PTH2R: variants seen among roughly 807,000 people sequenced by gnomAD.
The protein encoded by PTH2R is PTH2 receptor.
Under a neutral mutation model 60.3 loss-of-function variants are expected in PTH2R, and 59 were observed. The ratio of observed to expected loss-of-function variants is 0.98; its 90% confidence interval spans 0.79 to 1.22. PTH2R has a LOEUF of 1.22. PTH2R is among the 50% of genes most tolerant of loss of function. The pLI is 0.00. For missense variants in PTH2R, 749 were observed against 682.6 expected (o/e 1.10, Z -1.08); for synonymous variants, 256 against 243.8 (o/e 1.05, Z -0.47).
intron 1 of PTH2R, among the ~76,000 whole-genome samples, chr2:208,415,406 G>A (rs1475494982): frequency 1.3e-5 from 2 of 152,078 alleles, no homozygotes; most frequent in African/African-American, 2.4e-5. Context: ...ACCTACTACC[G>A]CTTCGCATGG....
intron 10 of PTH2R, among the ~76,000 whole-genome samples, chr2:208,482,122 C>T (rs1703166281): frequency 6.6e-6 from 1 of 152,160 alleles, no homozygotes; most frequent in Non-Finnish European, 1.5e-5. Flanking sequence ...CTATCTCAGA[C>T]ACAGAGAGGA....
At chr2:208,479,912 A>G (rs1429937876) in intron 9 of PTH2R, among the ~76,000 whole-genome samples, 1 of 152,210 alleles carries the variant, frequency 6.6e-6, no homozygotes, top group East Asian at 1.9e-4. Flanking sequence ...AAAATGTTTA[A>G]TAAATGGCAG....
chr2:208,463,807 T>C (rs967177032), intron 9 of PTH2R, among the ~76,000 whole-genome samples: 5 of 152,258 alleles, frequency 3.3e-5, no homozygotes, highest in Admixed American at 3.3e-4. Flanking sequence ...AGGAAGTGGC[T>C]GTTCAGACCT....
chr2:208,473,840 G>A (rs1242889413), intron 9 of PTH2R, among the ~76,000 whole-genome samples: 1 of 151,980 alleles, frequency 6.6e-6, no homozygotes, highest in Non-Finnish European at 1.5e-5. Context: ...TAGTTAACTG[G>A]CATAAATATA....
At chr2:208,371,718 G>T (rs752637562) in intron 1 of PTH2R, among the ~76,000 whole-genome samples, 4 of 151,958 alleles carry the variant, frequency 2.6e-5, no homozygotes, top group Admixed American at 6.6e-5. Context: ...TTGATTTAGG[G>T]GACTTTCACT....
intron 12 of PTH2R, among the ~76,000 whole-genome samples, chr2:208,491,829 C>T (rs980957903): frequency 2.6e-5 from 4 of 152,126 alleles, no homozygotes; most frequent in Non-Finnish European, 5.9e-5. Flanking sequence ...TGTGCCCGAG[C>T]TGTCTTATCA....
intron 2 of PTH2R, among the ~76,000 whole-genome samples, chr2:208,434,744 T>G (rs187010001): frequency 9.6e-4 from 146 of 152,284 alleles, no homozygotes; most frequent in African/African-American, 3.4e-3. Flanking sequence ...ATGTGGCTTG[T>G]TAATGAAAAG....
chr2:208,462,938 G>C (rs1046315763), intron 9 of PTH2R, among the ~76,000 whole-genome samples: 2 of 152,192 alleles, frequency 1.3e-5, no homozygotes, highest in African/African-American at 4.8e-5. Context: ...ACAACCAAAG[G>C]TTTAGACATT....
At chr2:208,482,777 C>G (rs1703183429) in intron 10 of PTH2R, among the ~76,000 whole-genome samples, 1 of 152,072 alleles carries the variant, frequency 6.6e-6, no homozygotes, top group African/African-American at 2.4e-5. Flanking sequence ...GCGTTTATAG[C>G]CCTATCTTAT....
At chr2:208,429,252 A>C (rs13016936) in intron 2 of PTH2R, among the ~76,000 whole-genome samples, 33,582 of 151,820 alleles carry the variant, frequency 0.22, 3,866 homozygotes, top group South Asian at 0.27. Context: ...TATATTCTGC[A>C]TCCATAATGA....
At chr2:208,398,183 G>T (rs1701247628) in intron 1 of PTH2R, among the ~76,000 whole-genome samples, 2 of 152,122 alleles carry the variant, frequency 1.3e-5, no homozygotes, top group Admixed American at 6.5e-5. Flanking sequence ...AAAAAAGTTA[G>T]TTTCTTTTGT....
intron 1 of PTH2R, among the ~76,000 whole-genome samples, chr2:208,385,636 T>C (rs1700988363): frequency 6.6e-6 from 1 of 152,234 alleles, no homozygotes; most frequent in Non-Finnish European, 1.5e-5. Context: ...TTTTTTGTAG[T>C]GGTCCATTCT....
intron 1 of PTH2R, among the ~76,000 whole-genome samples, chr2:208,370,219 G>A (rs949137356): frequency 1.1e-4 from 16 of 151,868 alleles, no homozygotes; most frequent in African/African-American, 2.2e-4. Flanking sequence ...CGAAGCGGGC[G>A]GATCATGAGG....
intron 1 of PTH2R, among the ~76,000 whole-genome samples, chr2:208,397,449 C>T (rs2105820145): frequency 6.6e-6 from 1 of 152,232 alleles, no homozygotes; most frequent in Middle Eastern, 3.4e-3. Flanking sequence ...TGGAGGAACA[C>T]CAGGGTCCTT....
intron 1 of PTH2R, among the ~76,000 whole-genome samples, chr2:208,383,816 A>G (rs1241542729): frequency 6.6e-6 from 1 of 152,144 alleles, no homozygotes; most frequent in Non-Finnish European, 1.5e-5. Context: ...TCATCGCAAA[A>G]CCACAGTGAG....
chr2:208,435,092 G>T (rs962472681), intron 2 of PTH2R, among the ~76,000 whole-genome samples: 33 of 152,236 alleles, frequency 2.2e-4, no homozygotes, highest in Admixed American at 2.2e-3. Flanking sequence ...ATGCTAAGAA[G>T]TTAATTTCAG....
intron 7 of PTH2R, among the ~76,000 whole-genome samples, chr2:208,446,068 G>A (rs764907507): frequency 1.4e-4 from 21 of 152,094 alleles, no homozygotes; most frequent in Non-Finnish European, 2.8e-4. Flanking sequence ...GTTGGAAAAG[G>A]TGTTGATAGA....
chr2:208,458,504 CAT>C lies in PTH2R; in HGVS notation c.915-1390_915-1389del, dbSNP rs368589471. On this transcript the variant is annotated intron_variant, in intron 8 of 12. Transcript: ENST00000272847. ...TGTGAAAGTTTGTTCCGTAGATAAA[CAT>C]GTGTCACAGAGGTTTGTTGTACATA... Among the ~76,000 whole-genome samples the C allele has an allele frequency of 5.6e-4, 85 of 152,194 alleles. No individual in the cohort carries two copies. In the East Asian group the frequency reaches 9.8e-3, roughly 18 times the overall value.
Position 208,444,632 on chromosome 2 carries a change from G to C in PTH2R, c.700-102G>C. ...TTTACTGTGTAAAGGAGACATATTA[G>C]CCTGAAAAAGAAACTGAAGACTTGT... On this transcript the variant is annotated intron_variant, in intron 6 of 12. Coordinates refer to ENST00000272847, the MANE Select transcript of PTH2R (RefSeq NM_005048.4). 9 of 1,158,382 alleles carry C rather than the reference G, an allele frequency of 7.8e-6. No individual in the cohort carries two copies. In the South Asian group the frequency reaches 1.3e-4, roughly 16 times the overall value. The allele number at this position is 1,158,382 out of a possible 1,614,324, so 71.8% of individuals were successfully genotyped here.
Sources: gnomAD v4.1 joint callset for allele counts (sites outside exome capture counted in the v4.1 genomes callset) on GRCh38, gnomAD v4.1.1 for gene constraint, MANE v1.5 for transcripts, NCBI Gene and HGNC (gene_info 2026-07-23, HGNC 2026-07-21) for gene names.